TLK1: variants seen among roughly 807,000 people sequenced by gnomAD.
TLK1 encodes the protein tousled like kinase 1, also known as serine/threonine-protein kinase tousled-like 1.
A neutral mutation model predicts 105.3 loss-of-function variants in TLK1; 24 were observed. The ratio of observed to expected loss-of-function variants is 0.23; its 90% CI spans 0.17 to 0.32. The LOEUF is 0.32. Ranked by LOEUF, TLK1 falls within the 10% of genes least tolerant of loss-of-function variation. The pLI is 1.00. For missense variants in TLK1, 558 were observed against 910.5 expected (o/e 0.61, Z 4.98); for synonymous variants, 321 against 310.4 (o/e 1.03, Z -0.36).
intron 11 of TLK1, among the ~76,000 whole-genome samples, chr2:171,035,282 C>T (rs562037225): frequency 2.3e-4 from 35 of 151,594 alleles, no homozygotes; most frequent in African/African-American, 6.1e-4. Flanking sequence ...GCGGAGGTTG[C>T]GGTGAGCCGA....
intron 11 of TLK1, among the ~76,000 whole-genome samples, chr2:171,034,732 T>C (rs1686236345): frequency 6.6e-6 from 1 of 152,170 alleles, no homozygotes; most frequent in Non-Finnish European, 1.5e-5. Context: ...TATTCGTATG[T>C]TACATAAATT....
intron 8 of TLK1, among the ~76,000 whole-genome samples, chr2:171,052,857 T>A (rs1295883234): frequency 6.6e-6 from 1 of 152,214 alleles, no homozygotes; most frequent in Non-Finnish European, 1.5e-5. Flanking sequence ...TTATCGAGTT[T>A]CTACACCAGT....
intron 2 of TLK1, among the ~76,000 whole-genome samples, chr2:171,086,991 T>TC (rs1689009374): frequency 6.6e-6 from 1 of 152,068 alleles, no homozygotes; most frequent in African/African-American, 2.4e-5. Flanking sequence ...AGCAGGGATG[T>TC]CAGTGCTGCC....
chr2:171,156,892 G>A (rs1692259626), intron 1 of TLK1, among the ~76,000 whole-genome samples: 1 of 152,082 alleles, frequency 6.6e-6, no homozygotes, highest in African/African-American at 2.4e-5. Context: ...ATGCAATGAC[G>A]CTATCTAGGC....
intron 11 of TLK1, among the ~76,000 whole-genome samples, chr2:171,035,341 C>CA (rs60204275): frequency 2.7e-4 from 40 of 148,184 alleles, no homozygotes; most frequent in African/African-American, 4.0e-4. Flanking sequence ...AACTCCGTCT[C>CA]AAAAAAAAAA....
chr2:171,135,120 T>G (rs1306847103), intron 1 of TLK1, among the ~76,000 whole-genome samples: 1 of 152,064 alleles, frequency 6.6e-6, no homozygotes, highest in Non-Finnish European at 1.5e-5. Flanking sequence ...AAGTTTGAGT[T>G]AGACAGAAAA....
At chr2:171,193,450 C>T (rs530459183) in intron 1 of TLK1, among the ~76,000 whole-genome samples, 3 of 147,284 alleles carry the variant, frequency 2.0e-5, no homozygotes, top group Non-Finnish European at 4.5e-5. Context: ...AGGCTGGAGT[C>T]CAGTGGCGCG....
intron 4 of TLK1, among the ~76,000 whole-genome samples, chr2:171,060,313 G>A (rs1311439886): frequency 6.6e-6 from 1 of 152,078 alleles, no homozygotes; most frequent in Non-Finnish European, 1.5e-5. Context: ...GACCAAAAAG[G>A]AGCTCAGTGT....
At chr2:171,121,277 T>C (rs1218374049) in intron 1 of TLK1, among the ~76,000 whole-genome samples, 2 of 152,262 alleles carry the variant, frequency 1.3e-5, no homozygotes, top group Admixed American at 6.5e-5. Flanking sequence ...CTGCCTATAA[T>C]CCCAGCACTT....
chr2:171,226,138 CA>C (rs1279740252), intron 1 of TLK1, among the ~76,000 whole-genome samples: 2 of 152,124 alleles, frequency 1.3e-5, no homozygotes, highest in African/African-American at 4.8e-5. Context: ...AATGGTGAAA[CA>C]TGTAGTGAGA....
rs139522085 is a variant in TLK1 at position 171,208,089 on chromosome 2, A to C, written c.-6+23056T>G. Among the ~76,000 whole-genome samples the C allele has an allele frequency of 1.4e-4, 21 of 152,306 alleles. No homozygotes were observed. In the East Asian group the frequency reaches 4.0e-3, roughly 29 times the overall value. On this transcript the variant is annotated intron_variant, in intron 1 of 20. Coordinates refer to the TLK1 transcript ENST00000521943. ...ACTAAATTAACAACCCAGGCTCTCTAACCTAAATTAGTCTGATTTAGTCTT... is the reference window on the plus strand; with the variant it reads ...ACTAAATTAACAACCCAGGCTCTCTCACCTAAATTAGTCTGATTTAGTCTT...
chr2:171,114,207 A>G (rs1272579854), intron 2 of TLK1, among the ~76,000 whole-genome samples: 1 of 152,224 alleles, frequency 6.6e-6, no homozygotes, highest in Non-Finnish European at 1.5e-5. Flanking sequence ...AAATCAAAGA[A>G]AAAAATGAAG....
intron 1 of TLK1, among the ~76,000 whole-genome samples, chr2:171,145,819 T>A (rs963175773): frequency 1.3e-5 from 2 of 152,230 alleles, no homozygotes; most frequent in Middle Eastern, 6.8e-3. Flanking sequence ...AATATCTAGA[T>A]ACAAAATATA....
At chr2:171,214,680 C>T (rs1693681327) in intron 1 of TLK1, among the ~76,000 whole-genome samples, 2 of 152,180 alleles carry the variant, frequency 1.3e-5, no homozygotes, top group Non-Finnish European at 2.9e-5. Context: ...AGTTGCTGGT[C>T]TTGGAAGAAC....
intron 1 of TLK1, among the ~76,000 whole-genome samples, chr2:171,141,273 T>C (rs1234398736): frequency 6.6e-6 from 1 of 152,190 alleles, no homozygotes; most frequent in South Asian, 2.1e-4. Flanking sequence ...ATTCTATTGA[T>C]AGAATGATGG....
At chr2:171,019,322 G>C (rs1685364430) in intron 12 of TLK1, among the ~76,000 whole-genome samples, 1 of 152,160 alleles carries the variant, frequency 6.6e-6, no homozygotes, top group African/African-American at 2.4e-5. Flanking sequence ...AAAAATGATA[G>C]GTGGTTCCCA....
intron 2 of TLK1, among the ~76,000 whole-genome samples, chr2:171,093,382 C>T (rs556061425): frequency 3.2e-4 from 48 of 152,266 alleles, no homozygotes; most frequent in African/African-American, 1.1e-3. Context: ...ATCAGAGAAA[C>T]ATCCTTAAAG....
chr2:171,033,725 T>C (rs1686166064), intron 11 of TLK1, among the ~76,000 whole-genome samples: 1 of 149,308 alleles, frequency 6.7e-6, no homozygotes, highest in Non-Finnish European at 1.5e-5. Context: ...CCACTGAAAG[T>C]AGGCAAACAC....
At chr2:171,141,517 G>A (rs1254859397) in intron 1 of TLK1, among the ~76,000 whole-genome samples, 2 of 151,992 alleles carry the variant, frequency 1.3e-5, no homozygotes, top group East Asian at 3.9e-4. Context: ...TAAAACTGCT[G>A]AAAACCAAAT....
Sources: gnomAD v4.1 joint callset for allele counts (sites outside exome capture counted in the v4.1 genomes callset) on GRCh38, gnomAD v4.1.1 for gene constraint, MANE v1.5 for transcripts, NCBI Gene and HGNC (gene_info 2026-07-23, HGNC 2026-07-21) for gene names.